The following STPG2 variants were observed in gnomAD, a reference collection of about 807,000 sequenced individuals.
STPG2 encodes sperm tail PG-rich repeat containing 2.
A neutral mutation model predicts 54.2 loss-of-function variants in STPG2; 56 were observed. That is an observed-to-expected ratio of 1.03 (90% CI 0.83 to 1.29). STPG2 has a LOEUF of 1.29. Ranked by LOEUF, STPG2 falls within the 50% of genes most tolerant of loss-of-function variation. The probability of loss-of-function intolerance (pLI) is 0.00; values close to 1 mark genes in which losing one functional copy is unlikely to be tolerated. For synonymous variants in STPG2, 200 were observed against 181.8 expected (o/e 1.10, Z -0.81); for missense variants, 596 against 544.9 (o/e 1.09, Z -0.93).
chr4:97,661,397 A>C (rs1400651405), intron 10 of STPG2, among the ~76,000 whole-genome samples: 1 of 152,144 alleles, frequency 6.6e-6, no homozygotes, highest in Non-Finnish European at 1.5e-5. Flanking sequence ...TTTAGGATTA[A>C]TAGTTGTGTC....
At chr4:98,005,696 C>A (rs1735557207) in intron 5 of STPG2, among the ~76,000 whole-genome samples, 1 of 152,008 alleles carries the variant, frequency 6.6e-6, no homozygotes. Flanking sequence ...TATGTTGAAC[C>A]ATCCTTGCAT....
intron 5 of STPG2, among the ~76,000 whole-genome samples, chr4:98,076,491 A>C (rs1421307201): frequency 6.6e-6 from 1 of 152,224 alleles, no homozygotes; most frequent in African/African-American, 2.4e-5. Context: ...GATAATCCTT[A>C]AACTGATAAT....
chr4:97,457,820 G>T (rs541485845), intron 4 of STPG2, among the ~76,000 whole-genome samples: 1 of 152,292 alleles, frequency 6.6e-6, no homozygotes, highest in East Asian at 1.9e-4. Flanking sequence ...TTAAACTGCA[G>T]AGCATTTGAG....
At chr4:97,759,841 T>A (rs778630304) in intron 9 of STPG2, among the ~76,000 whole-genome samples, 1 of 152,170 alleles carries the variant, frequency 6.6e-6, no homozygotes. Flanking sequence ...TTTTGGAGAC[T>A]CTAGGAATTA....
intron 4 of STPG2, among the ~76,000 whole-genome samples, chr4:97,485,250 C>T (rs958811638): frequency 1.1e-4 from 17 of 151,534 alleles, no homozygotes; most frequent in African/African-American, 1.5e-4. Flanking sequence ...TCCAAATCAG[C>T]GAAGAGGAAG....
intron 10 of STPG2, among the ~76,000 whole-genome samples, chr4:97,667,294 T>G (rs1278542755): frequency 2.0e-5 from 3 of 152,208 alleles, no homozygotes; most frequent in African/African-American, 7.2e-5. Context: ...TCAACAAACA[T>G]TTTTAAGGCT....
At chr4:97,784,681 A>T (rs1437891303) in intron 9 of STPG2, among the ~76,000 whole-genome samples, 1 of 149,360 alleles carries the variant, frequency 6.7e-6, no homozygotes, top group East Asian at 2.0e-4. Flanking sequence ...TCAATGATAC[A>T]TGTTGCTTAA....
Position 97,742,253 on chromosome 4 carries a change from T to C in STPG2, c.1205-29439A>G, listed in dbSNP as rs1161923186. On this transcript the variant is annotated intron_variant, in intron 9 of 10. Coordinates refer to ENST00000295268, the MANE Select transcript of STPG2 (RefSeq NM_174952.3). ...GAAGGAGGGATAGCATTAGGAGATA[T>C]ACCTAATGCTAAATGACGAGTTAAT... 1.2e-4 allele frequency among the ~76,000 whole-genome samples: 18 copies of C among 151,930 alleles called. No individual in the cohort carries two copies. In the South Asian group the frequency reaches 3.5e-3, roughly 30 times the overall value.
chr4:98,130,782 C>A (rs1212537845), intron 2 of STPG2, among the ~76,000 whole-genome samples: 1 of 151,768 alleles, frequency 6.6e-6, no homozygotes, highest in Non-Finnish European at 1.5e-5. Flanking sequence ...GTTAGCCGGG[C>A]ATGGTGGCGG....
chr4:97,757,888 A>C (rs1725779196), intron 9 of STPG2, among the ~76,000 whole-genome samples: 1 of 152,240 alleles, frequency 6.6e-6, no homozygotes. Context: ...AGAGAAAGAC[A>C]CTTAAGCTTT....
chr4:98,065,707 T>C (rs1737812950), intron 5 of STPG2, among the ~76,000 whole-genome samples: 1 of 152,130 alleles, frequency 6.6e-6, no homozygotes, highest in Admixed American at 6.6e-5. Flanking sequence ...AAATCCAATC[T>C]ATGAATAAAA....
At chr4:97,779,203 C>T (rs1311913473) in intron 9 of STPG2, among the ~76,000 whole-genome samples, 2 of 152,116 alleles carry the variant, frequency 1.3e-5, no homozygotes, top group Non-Finnish European at 2.9e-5. Flanking sequence ...AGATGAATGG[C>T]TAACTAGAAT....
At chr4:97,629,554 G>T (rs916944627) in intron 10 of STPG2, among the ~76,000 whole-genome samples, 1 of 151,806 alleles carries the variant, frequency 6.6e-6, no homozygotes, top group South Asian at 2.1e-4. Flanking sequence ...CTCATATTAC[G>T]TAACAAAAAA....
chr4:97,666,944 A>G (rs1203071819), intron 10 of STPG2, among the ~76,000 whole-genome samples: 1 of 152,074 alleles, frequency 6.6e-6, no homozygotes, highest in Non-Finnish European at 1.5e-5. Context: ...TACCACCACC[A>G]TTATCACCAT....
intron 10 of STPG2, among the ~76,000 whole-genome samples, chr4:97,704,644 T>A (rs1464787346): frequency 6.6e-6 from 1 of 152,204 alleles, no homozygotes; most frequent in East Asian, 1.9e-4. Flanking sequence ...TTAAGTAATG[T>A]GCCATGACCT....
intron 4 of STPG2, among the ~76,000 whole-genome samples, chr4:97,501,059 G>A (rs1381857382): frequency 6.6e-6 from 1 of 152,002 alleles, no homozygotes; most frequent in Non-Finnish European, 1.5e-5. Context: ...GATGGAGGGA[G>A]AGTGGGAAAT....
At chr4:97,841,906 G>T (rs1360098568) in intron 8 of STPG2, among the ~76,000 whole-genome samples, 1 of 151,818 alleles carries the variant, frequency 6.6e-6, no homozygotes, top group Middle Eastern at 3.4e-3. Flanking sequence ...TTCTATAAAA[G>T]GGTTAAGTGA....
Position 98,006,090 on chromosome 4 carries a change from G to C in STPG2, c.613-24772C>G, listed in dbSNP as rs550967617. Among the ~76,000 whole-genome samples the C allele has an allele frequency of 4.2e-3, 642 of 152,232 alleles. 3 individuals carry two copies. Among genetic ancestry groups the C allele is most frequent in the South Asian group, 0.024 (118 of 4,822 alleles). On this transcript the variant is annotated intron_variant, in intron 5 of 10. Coordinates refer to ENST00000295268, the MANE Select transcript of STPG2 (RefSeq NM_174952.3). ...AGATGGCAGATTAGAAGGTTCTCCAGCATGCTTCACCCACCTGGTAGTGTA... is the reference window on the plus strand; with the variant it reads ...AGATGGCAGATTAGAAGGTTCTCCACCATGCTTCACCCACCTGGTAGTGTA...
At chr4:97,839,740 A>T (rs1298540527) in intron 9 of STPG2, among the ~76,000 whole-genome samples, 1 of 151,684 alleles carries the variant, frequency 6.6e-6, no homozygotes, top group Non-Finnish European at 1.5e-5. Context: ...AATATGCCTG[A>T]TTCTTAAAAG....
Sources: allele counts gnomAD v4.1 joint callset (sites outside exome capture counted in the v4.1 genomes callset), GRCh38; gene constraint gnomAD v4.1.1; transcripts MANE v1.5; gene names NCBI Gene and HGNC (gene_info 2026-07-23, HGNC 2026-07-21).